The following GALNT17 variants were observed in gnomAD, a reference collection of about 807,000 sequenced individuals.
GALNT17 encodes UDP-GalNAc:polypeptide N-acetylgalactosaminyltransferase-like 3.
In GALNT17, 29 loss-of-function variants were observed where a neutral mutation model predicts 63.7. That is an observed-to-expected ratio of 0.46 (90% confidence interval 0.34 to 0.62). The LOEUF (loss-of-function observed/expected upper bound fraction) is 0.62, where lower values mean the gene tolerates loss of function less well. Among genes scored for constraint, GALNT17 ranks in the 20% least tolerant of loss-of-function variants. GALNT17 has a pLI of 0.01. For missense variants in GALNT17, 603 were observed against 799.6 expected, an observed-to-expected ratio of 0.75 and a Z score of 2.97; for synonymous variants, 305 against 318.3, an observed-to-expected ratio of 0.96 and a Z score of 0.45.
intron 1 of GALNT17, among the ~76,000 whole-genome samples, chr7:71,334,277 G>A (rs570351730): frequency 2.1e-3 from 323 of 152,322 alleles, no homozygotes; most frequent in Middle Eastern, 0.017. Context: ...CTCACTACCG[G>A]AGCAGGTTTC....
At chr7:71,150,979 A>C (rs1197059281) in intron 1 of GALNT17, among the ~76,000 whole-genome samples, 1 of 47,900 alleles carries the variant, frequency 2.1e-5, no homozygotes, top group African/African-American at 1.4e-4. Flanking sequence ...CCTGACTTCA[A>C]AAAAAAAAAA....
chr7:71,340,239 C>T (rs545201499), intron 2 of GALNT17, among the ~76,000 whole-genome samples: 48 of 152,294 alleles, frequency 3.2e-4, no homozygotes, highest in African/African-American at 1.1e-3. Flanking sequence ...CCAGAGACTG[C>T]CCTTTCTCAT....
intron 2 of GALNT17, among the ~76,000 whole-genome samples, chr7:71,341,207 G>C (rs550117538): frequency 3.2e-4 from 48 of 152,090 alleles, no homozygotes; most frequent in Non-Finnish European, 5.4e-4. Context: ...ATTAAACGGA[G>C]ATAAGTAATT....
chr7:71,453,014 T>C (rs1489945370), intron 5 of GALNT17, among the ~76,000 whole-genome samples: 1 of 152,208 alleles, frequency 6.6e-6, no homozygotes, highest in Non-Finnish European at 1.5e-5. Context: ...TCATTTTCTC[T>C]GTTCTCTCTG....
At chr7:71,382,751 G>A (rs984740499) in intron 2 of GALNT17, among the ~76,000 whole-genome samples, 4 of 152,108 alleles carry the variant, frequency 2.6e-5, no homozygotes, top group Admixed American at 2.6e-4. Context: ...GCGTTCATTC[G>A]GGTTCCCTAG....
chr7:71,385,274 AG>A (rs1792920176), intron 2 of GALNT17, among the ~76,000 whole-genome samples: 1 of 152,008 alleles, frequency 6.6e-6, no homozygotes, highest in Admixed American at 6.6e-5. Flanking sequence ...CTGGAGGCTG[AG>A]CTCAGGCCCA....
chr7:71,591,744 C>T (rs934125224), intron 6 of GALNT17, among the ~76,000 whole-genome samples: 3 of 151,970 alleles, frequency 2.0e-5, no homozygotes, highest in African/African-American at 4.8e-5. Flanking sequence ...CTCACTGCAG[C>T]CTCTGCCTCC....
At chr7:71,591,115 G>A (rs542808505) in intron 6 of GALNT17, among the ~76,000 whole-genome samples, 13 of 151,962 alleles carry the variant, frequency 8.6e-5, no homozygotes, top group South Asian at 2.1e-4. Context: ...GGAATGCAGC[G>A]GCTTCATCTC....
At chr7:71,201,761 C>T (rs1449887249) in intron 1 of GALNT17, among the ~76,000 whole-genome samples, 3 of 151,708 alleles carry the variant, frequency 2.0e-5, no homozygotes, top group Non-Finnish European at 2.9e-5. Context: ...CCTTCCGAGT[C>T]GCTGGGATTA....
intron 1 of GALNT17, among the ~76,000 whole-genome samples, chr7:71,294,377 A>G (rs1791038791): frequency 1.4e-5 from 2 of 141,992 alleles, no homozygotes; most frequent in East Asian, 2.0e-4. Context: ...CACAATATGC[A>G]TATTGTTTTG....
intron 5 of GALNT17, among the ~76,000 whole-genome samples, chr7:71,512,924 T>G (rs1419590525): frequency 6.6e-6 from 1 of 152,248 alleles, no homozygotes; most frequent in Non-Finnish European, 1.5e-5. Flanking sequence ...CCTGGCCTCC[T>G]CTTTTTTGAG....
At chr7:71,537,948 C>T (rs1584033988) in intron 5 of GALNT17, among the ~76,000 whole-genome samples, 1 of 152,158 alleles carries the variant, frequency 6.6e-6, no homozygotes, top group African/African-American at 2.4e-5. Context: ...CCAGAGACTA[C>T]AAGAGCCAAG....
intron 5 of GALNT17, among the ~76,000 whole-genome samples, chr7:71,535,347 T>C (rs1788787051): frequency 6.6e-6 from 1 of 152,228 alleles, no homozygotes; most frequent in Admixed American, 6.5e-5. Context: ...AAGGTGGCAC[T>C]GGGGCTGCTA....
chr7:71,241,994 G>C (rs1472920343), intron 1 of GALNT17, among the ~76,000 whole-genome samples: 1 of 152,142 alleles, frequency 6.6e-6, no homozygotes, highest in South Asian at 2.1e-4. Context: ...TCTGCTTGTG[G>C]TGAGGACCTC....
chr7:71,603,612 A>T (rs576320580), intron 6 of GALNT17, among the ~76,000 whole-genome samples: 119 of 152,148 alleles, frequency 7.8e-4, no homozygotes, highest in African/African-American at 2.7e-3. Context: ...TACACCAGGT[A>T]CTATGCTAAG....
chr7:71,360,055 T>G (rs1287856937), intron 2 of GALNT17, among the ~76,000 whole-genome samples: 1 of 152,182 alleles, frequency 6.6e-6, no homozygotes, highest in African/African-American at 2.4e-5. Context: ...AGGCTCTTAT[T>G]GAAGTACAGA....
At chr7:71,622,738 A>G (rs1033103642) in intron 6 of GALNT17, among the ~76,000 whole-genome samples, 3 of 152,138 alleles carry the variant, frequency 2.0e-5, no homozygotes, top group Non-Finnish European at 4.4e-5. Flanking sequence ...AGGACTGGGA[A>G]GACCACAGGC....
chr7:71,416,110 G>A (rs1208983634), intron 4 of GALNT17, 47 bp downstream of exon 4: 3 of 1,554,204 alleles, frequency 1.9e-6, no homozygotes, highest in Non-Finnish European at 8.7e-7. Context: ...CTGCATTGTG[G>A]TTGAGAGGGG....
chr7:71,147,926 G>A (rs1368284309), intron 1 of GALNT17, among the ~76,000 whole-genome samples: 1 of 152,112 alleles, frequency 6.6e-6, no homozygotes, highest in Non-Finnish European at 1.5e-5. Context: ...CACTGCACCA[G>A]GCCTCTCCAA....
Sources: gnomAD v4.1 joint callset for allele counts (sites outside exome capture counted in the v4.1 genomes callset) on GRCh38, gnomAD v4.1.1 for gene constraint, MANE v1.5 for transcripts, NCBI Gene and HGNC (gene_info 2026-07-23, HGNC 2026-07-21) for gene names.